The following IDE variants were observed in gnomAD, a reference collection of about 807,000 sequenced individuals.
The protein encoded by IDE is insulin degrading enzyme.
In IDE, 58 loss-of-function variants were observed where a neutral mutation model predicts 133.2. The ratio of observed to expected loss-of-function variants is 0.44; its 90% CI spans 0.35 to 0.54. IDE has a LOEUF of 0.54. IDE is among the 20% of genes least tolerant of loss of function. The pLI is 0.00. For missense variants in IDE, 981 were observed against 1,234.0 expected (o/e 0.79, Z 3.07); for synonymous variants, 396 against 421.3 (o/e 0.94, Z 0.73).
chr10:92,541,400 T>C (rs951876804), intron 1 of IDE: 8 of 445,604 alleles, frequency 1.8e-5, no homozygotes, highest in Non-Finnish European at 3.2e-5. Context: ...AGATCACCTG[T>C]CTATCTACTT....
At chr10:92,564,671 CAAAAAAAAAAAAAAAAAAA>C (rs532861372) in intron 1 of IDE, among the ~76,000 whole-genome samples, 716 of 31,584 alleles carry the variant, frequency 0.023, 17 homozygotes, top group African/African-American at 0.075. Flanking sequence ...GAGACTGTCT[CAAAAAAAAAAAAAAAAAAA>C]AAAAAAAAAA....
chr10:92,544,509 A>T (rs1213190825), intron 1 of IDE, among the ~76,000 whole-genome samples: 1 of 152,202 alleles, frequency 6.6e-6, no homozygotes, highest in Non-Finnish European at 1.5e-5. Context: ...GATTGTGGTA[A>T]AGCTGGAACT....
intron 1 of IDE, among the ~76,000 whole-genome samples, chr10:92,566,753 T>C (rs1276693239): frequency 1.3e-5 from 2 of 152,038 alleles, no homozygotes; most frequent in Non-Finnish European, 1.5e-5. Context: ...AAGAGTTTAA[T>C]TGGATTGTTT....
In IDE at chr10:92,483,278, A is replaced by C. The variant is rs758726826; in HGVS notation, c.1716T>G (p.Ala572=). 3 of 1,603,864 alleles carry C rather than the reference A, an allele frequency of 1.9e-6. No homozygotes were observed. Among genetic ancestry groups the C allele is most frequent in the East Asian group, 4.5e-5 (2 of 44,834 alleles). ...ACCTGAAAAATTCAAAGTTGAGACA[A>C]GCCTTCGGCAAAAAAAACTTATCAT... ...KQDDKFFLPK[A]CLNFEFFSPF... Residue 572 remains alanine (A), a synonymous_variant, in exon 14 of 25, where the codon GCT becomes GCG. Transcript: ENST00000265986.
intron 14 of IDE, among the ~76,000 whole-genome samples, chr10:92,481,629 T>C (rs1846616466): frequency 6.6e-6 from 1 of 152,188 alleles, no homozygotes; most frequent in South Asian, 2.1e-4. Context: ...TTAAAAACCA[T>C]AGCTAACTAC....
chr10:92,549,997 C>T (rs1221756635), intron 1 of IDE, among the ~76,000 whole-genome samples: 1 of 151,926 alleles, frequency 6.6e-6, no homozygotes, highest in African/African-American at 2.4e-5. Context: ...GGAGAAACCC[C>T]GTCTCCACTA....
At chr10:92,566,858 T>C (rs759117039) in intron 1 of IDE, among the ~76,000 whole-genome samples, 17 of 152,184 alleles carry the variant, frequency 1.1e-4, no homozygotes, top group Admixed American at 3.9e-4. Flanking sequence ...TACTAAATCT[T>C]TTATGGTTAA....
intron 1 of IDE, among the ~76,000 whole-genome samples, chr10:92,544,124 T>C (rs544413074): frequency 3.3e-5 from 5 of 152,030 alleles, no homozygotes; most frequent in Admixed American, 2.6e-4. Context: ...TCCCAGCTAC[T>C]TGGGAGGCTG....
chr10:92,500,420 A>T (rs1847946483), intron 11 of IDE, among the ~76,000 whole-genome samples: 1 of 152,226 alleles, frequency 6.6e-6, no homozygotes. Context: ...TACAACATGG[A>T]TGAACCTTGA....
At chr10:92,530,245 T>TAAAG (rs1266444233) in intron 4 of IDE, among the ~76,000 whole-genome samples, 1 of 151,058 alleles carries the variant, frequency 6.6e-6, no homozygotes, top group African/African-American at 2.4e-5. Flanking sequence ...AATAAATAAA[T>TAAAG]AAATAAATAA....
intron 4 of IDE, among the ~76,000 whole-genome samples, chr10:92,523,706 A>T (rs1849357413): frequency 6.6e-6 from 1 of 151,372 alleles, no homozygotes; most frequent in Non-Finnish European, 1.5e-5. Flanking sequence ...AGTCTTAAAA[A>T]AAAAAAAAAA....
At position 92,526,872 on chromosome 10, in the gene IDE, ACAGGGTCT is replaced by A. The variant is rs1343147171; in HGVS notation, c.661+4868_661+4875del. Among the ~76,000 whole-genome samples the A allele has an allele frequency of 2.1e-5, 3 of 146,024 alleles. No individual in the cohort carries two copies. In the East Asian group the frequency reaches 6.0e-4, roughly 29 times the overall value. On this transcript the variant is annotated intron_variant, in intron 4 of 24. Coordinates refer to ENST00000265986, the MANE Select transcript of IDE (RefSeq NM_004969.4). ...AAAAAAAAAAAAAAAAAAAAAAAGGACAGGGTCTCACTATGTTGCCTAGACTGGTCTTG... is the reference window on the plus strand; with the variant it reads ...AAAAAAAAAAAAAAAAAAAAAAAGGACACTATGTTGCCTAGACTGGTCTTG...
intron 17 of IDE, among the ~76,000 whole-genome samples, chr10:92,472,502 C>T (rs1450428711): frequency 6.6e-6 from 1 of 152,164 alleles, no homozygotes; most frequent in Non-Finnish European, 1.5e-5. Context: ...ATCTAGTCTC[C>T]TATCCAATGC....
chr10:92,535,335 C>T (rs1226436539), intron 2 of IDE, among the ~76,000 whole-genome samples: 5 of 152,282 alleles, frequency 3.3e-5, no homozygotes, highest in Non-Finnish European at 7.3e-5. Flanking sequence ...GATCTCCTGA[C>T]CTCGTGATCC....
chr10:92,507,546 T>C, intron 9 of IDE, 29 bp downstream of exon 9: 2 of 1,156,534 alleles, frequency 1.7e-6, no homozygotes, highest in Non-Finnish European at 2.6e-6. Context: ...ACAGATTCCT[T>C]AAGAAAAATT....
intron 17 of IDE, among the ~76,000 whole-genome samples, chr10:92,472,075 T>G (rs1176775131): frequency 6.6e-6 from 1 of 152,180 alleles, no homozygotes; most frequent in Non-Finnish European, 1.5e-5. Flanking sequence ...CTGAGTTGTT[T>G]CCAAATTAAG....
chr10:92,455,492 AC>A lies in IDE; in HGVS notation c.2964+83del, dbSNP rs558042063. 3.5e-5 allele frequency: 31 copies of A among 894,416 alleles called. No homozygotes were observed. In the African/African-American group the frequency reaches 4.9e-4, roughly 14 times the overall value. The allele number at this position is 894,416 out of a possible 1,614,324, so 55.4% of individuals were successfully genotyped here. On this transcript the variant is annotated intron_variant, in intron 24 of 24. Coordinates refer to ENST00000265986, the MANE Select transcript of IDE (RefSeq NM_004969.4). Reference sequence around the variant, plus strand: ...TGAGACTCCATTTCAAAAACAAAAAACAAAAAACAAAAAAAACCAAGCTGCT... The same window carrying A: ...TGAGACTCCATTTCAAAAACAAAAAAAAAAAACAAAAAAAACCAAGCTGCT...
At chr10:92,503,631 C>T (rs551912665) in intron 11 of IDE, among the ~76,000 whole-genome samples, 10 of 152,060 alleles carry the variant, frequency 6.6e-5, no homozygotes, top group South Asian at 2.1e-4. Flanking sequence ...ATGCAATTAT[C>T]GCTAATGAAG....
rs1451475957 is a variant in IDE at position 92,487,204 on chromosome 10, G to T, written c.1648C>A (p.Leu550Ile). The change falls in exon 13 of 25, where the codon CTT (leucine) becomes ATT (isoleucine). Residue 550 changes from leucine to isoleucine, a missense_variant. Transcript: ENST00000265986. ...LEKEATPYPA[L>I]IKDTAMSKLW... ...TGATTCAAACACATTACCTTAATAA[G>T]AGCAGGGTATGGTGTCGCCTCTTTT... is the stretch of plus-strand genomic sequence containing the variant. The T allele has an allele frequency of 1.2e-6, 2 of 1,612,404 alleles. No individual in the cohort carries two copies. Among genetic ancestry groups the T allele is most frequent in the Admixed American group, 3.4e-5 (2 of 59,644 alleles).
Sources: gnomAD v4.1 joint callset for allele counts (sites outside exome capture counted in the v4.1 genomes callset) on GRCh38, gnomAD v4.1.1 for gene constraint, MANE v1.5 for transcripts, NCBI Gene and HGNC (gene_info 2026-07-23, HGNC 2026-07-21) for gene names.